The following ZNF831 variants were observed in gnomAD, a reference collection of about 807,000 sequenced individuals.
ZNF831 encodes chromosome 20 open reading frame 174.
Under a neutral mutation model 95.8 loss-of-function variants are expected in ZNF831, and 59 were observed. That is an observed-to-expected ratio of 0.62 (90% CI 0.50 to 0.77). ZNF831 has a LOEUF of 0.77. Among genes scored for constraint, ZNF831 ranks in the 30% least tolerant of loss-of-function variants. ZNF831 has a pLI of 0.00. For missense variants in ZNF831, 2,205 were observed against 2,164.0 expected (o/e 1.02, Z -0.38); for synonymous variants, 961 against 925.5 (o/e 1.04, Z -0.70).
intron 3 of ZNF831, among the ~76,000 whole-genome samples, chr20:59,202,165 G>A (rs908354104): frequency 1.3e-5 from 2 of 152,106 alleles, no homozygotes; most frequent in Non-Finnish European, 2.9e-5. Flanking sequence ...GCCTATTGCA[G>A]TGCCTCCTAG....
At chr20:59,151,092 C>A (rs931032407) in intron 2 of ZNF831, among the ~76,000 whole-genome samples, 3 of 152,154 alleles carry the variant, frequency 2.0e-5, no homozygotes, top group Non-Finnish European at 4.4e-5. Context: ...TCTGGAGAGG[C>A]CCATGTTCCC....
At position 59,257,854 on chromosome 20, in the gene ZNF831, A is replaced by C. The variant is rs901448147; in HGVS notation, c.*3111A>C. 7 of 152,148 alleles carry C rather than the reference A, an allele frequency of 4.6e-5. No individual in the cohort carries two copies. Among genetic ancestry groups the C allele is most frequent in the Non-Finnish European group, 5.9e-5 (4 of 68,024 alleles). The allele number at this position is 152,148 out of a possible 1,614,324, so 9.4% of individuals were successfully genotyped here. ...CTGAATTTTTTTTTGCCAATATCAAAAGTGACATTTCCCCATGATGTTCAA... is the reference window on the plus strand; with the variant it reads ...CTGAATTTTTTTTTGCCAATATCAACAGTGACATTTCCCCATGATGTTCAA... On this transcript the variant is annotated 3_prime_UTR_variant, in exon 6 of 6. Transcript: ENST00000371030.
In ZNF831 at chr20:59,194,054, G is replaced by C. The variant is rs748536362; in HGVS notation, c.3035G>C (p.Arg1012Thr). ...ATCCTGGAGGACCCCAGCTGTTCCA[G>C]GCCACAGGATGGGAGAAAAGGGGCA... Reference protein sequence around the residue: ...DSILEDPSCSRPQDGRKGAQL... With the variant: ...DSILEDPSCSTPQDGRKGAQL... Residue 1012 changes from arginine to threonine, a missense_variant, in exon 2 of 6, where the codon AGG (arginine) becomes ACG (threonine). By Grantham distance (71) the Arg-to-Thr change is moderately conservative (BLOSUM62 -1). Coordinates refer to ENST00000371030, the MANE Select transcript of ZNF831 (RefSeq NM_178457.3). The C allele has an allele frequency of 1.8e-5, 28 of 1,529,748 alleles. No homozygotes were observed. Among genetic ancestry groups the C allele is most frequent in the Non-Finnish European group, 2.2e-5 (25 of 1,140,434 alleles). 94.8% of individuals were successfully genotyped at this position (1,529,748 alleles called of 1,614,324 possible). A position where few individuals can be genotyped will look rare whatever the true frequency, so the allele number is the denominator to read the frequency against.
intron 1 of ZNF831, among the ~76,000 whole-genome samples, chr20:59,183,800 C>T (rs1334283679): frequency 6.6e-6 from 1 of 152,230 alleles, no homozygotes; most frequent in Non-Finnish European, 1.5e-5. Context: ...GACCTCCCAT[C>T]CACCTCTTTC....
At chr20:59,178,437 A>T (rs1338525092) in intron 1 of ZNF831, among the ~76,000 whole-genome samples, 2 of 152,212 alleles carry the variant, frequency 1.3e-5, no homozygotes, top group African/African-American at 4.8e-5. Flanking sequence ...AAGTCAGGCC[A>T]TTTCTTTATA....
Position 59,254,457 on chromosome 20 carries a change from A to G in ZNF831, c.4748A>G (p.Glu1583Gly). 6.2e-7 allele frequency: 1 copy of G among 1,614,172 alleles called. No homozygotes were observed. ...AGTTCAGCTAGTTCACACCACAAGG[A>G]AGGGAGACACAAGACGTTTTTTCCT... is the stretch of plus-strand genomic sequence containing the variant. ...GPSSASSHHKEGRHKTFFPSR... is the reference protein window; with the variant it reads ...GPSSASSHHKGGRHKTFFPSR... Residue 1583 changes from glutamate to glycine, a missense_variant, in exon 6 of 6, where the codon GAA (glutamate) becomes GGA (glycine). Physicochemically the swap from Glu to Gly is moderately conservative, Grantham distance 98. Transcript: ENST00000371030. This position sits in a 1 kb window ranked among gnomAD's most constrained non-coding sequence, Gnocchi z 4.5.
chr20:59,158,262 C>A (rs551387851), intron 2 of ZNF831, among the ~76,000 whole-genome samples: 1 of 152,214 alleles, frequency 6.6e-6, no homozygotes, highest in Non-Finnish European at 1.5e-5. Context: ...GTGCCTTTCC[C>A]CCAGGACCCA....
At chr20:59,222,606 T>C (rs1986159150) in intron 4 of ZNF831, among the ~76,000 whole-genome samples, 1 of 152,102 alleles carries the variant, frequency 6.6e-6, no homozygotes, top group African/African-American at 2.4e-5. Flanking sequence ...AAAACAAGCC[T>C]TGTGAATTTA....
At chr20:59,151,298 G>A (rs1020363314) in intron 2 of ZNF831, among the ~76,000 whole-genome samples, 6 of 152,172 alleles carry the variant, frequency 3.9e-5, no homozygotes, top group Admixed American at 6.5e-5. Context: ...TGAGGCTCCA[G>A]CACCCATCTC....
intron 1 of ZNF831, among the ~76,000 whole-genome samples, chr20:59,176,124 A>T (rs1172059131): frequency 6.6e-6 from 1 of 152,240 alleles, no homozygotes; most frequent in East Asian, 1.9e-4. Flanking sequence ...ACACCGTAAA[A>T]CAGGACTTGG....
chr20:59,243,615 C>G (rs1987448808), intron 4 of ZNF831, among the ~76,000 whole-genome samples: 1 of 152,164 alleles, frequency 6.6e-6, no homozygotes, highest in Non-Finnish European at 1.5e-5. Context: ...TCCACTCACT[C>G]CCTCCTTGTT....
intron 2 of ZNF831, among the ~76,000 whole-genome samples, chr20:59,154,280 A>G (rs1256227982): frequency 2.0e-5 from 3 of 152,166 alleles, no homozygotes; most frequent in Non-Finnish European, 4.4e-5. Context: ...TGCTTCTCCA[A>G]GAATGCACAC....
chr20:59,254,041 G>T lies in ZNF831; in HGVS notation c.4332G>T (p.Gly1444=), dbSNP rs1183705753. Residue 1444 remains glycine (G), a synonymous_variant, in exon 6 of 6, where the codon GGG becomes GGT. Coordinates refer to ENST00000371030, the MANE Select transcript of ZNF831 (RefSeq NM_178457.3). The surrounding 1 kb of genome is among the most constrained non-coding windows in gnomAD (Gnocchi z 4.5). ...PLPPGKGLDL[G]LLETQLLASQ... ...CCCCTGGCAAAGGTCTTGACCTTGGGTTGCTGGAGACTCAGCTGCTGGCCT... is the reference window on the plus strand; with the variant it reads ...CCCCTGGCAAAGGTCTTGACCTTGGTTTGCTGGAGACTCAGCTGCTGGCCT... 6.2e-7 allele frequency: 1 copy of T among 1,614,084 alleles called. No homozygotes were observed. The highest frequency in any genetic ancestry group is 8.5e-7 in the Non-Finnish European group (1 of 1,180,016).
At chr20:59,195,305 C>T (rs928335977) in intron 2 of ZNF831, among the ~76,000 whole-genome samples, 1 of 152,212 alleles carries the variant, frequency 6.6e-6, no homozygotes, top group African/African-American at 2.4e-5. Flanking sequence ...AGAGCTCCAC[C>T]TTGAGAGGGG....
intron 4 of ZNF831, among the ~76,000 whole-genome samples, chr20:59,215,937 G>A (rs201583017): frequency 0.066 from 10,033 of 152,142 alleles, 567 homozygotes; most frequent in East Asian, 0.28. Flanking sequence ...ATGAGCCCTA[G>A]GAATACCCCT....
At chr20:59,233,043 C>CACACAT (rs1308472101) in intron 4 of ZNF831, among the ~76,000 whole-genome samples, 1 of 134,374 alleles carries the variant, frequency 7.4e-6, no homozygotes, top group African/African-American at 2.9e-5. Flanking sequence ...CACACACACA[C>CACACAT]ATAGAGAGAG....
intron 4 of ZNF831, among the ~76,000 whole-genome samples, chr20:59,212,535 A>G (rs1438967762): frequency 9.2e-5 from 14 of 152,206 alleles, no homozygotes; most frequent in Non-Finnish European, 1.3e-4. Flanking sequence ...CTAAGAATGG[A>G]CAGAAGTTTT....
At chr20:59,130,569 G>A (rs114516071) in intron 1 of ZNF831, among the ~76,000 whole-genome samples, 1,616 of 152,298 alleles carry the variant, frequency 0.011, 26 homozygotes, top group African/African-American at 0.037. Context: ...TCCTGTGGAT[G>A]TGGGTGCACC....
intron 3 of ZNF831, among the ~76,000 whole-genome samples, chr20:59,201,904 A>G (rs1311833526): frequency 6.6e-6 from 1 of 152,256 alleles, no homozygotes; most frequent in Non-Finnish European, 1.5e-5. Flanking sequence ...GATTTTTCAT[A>G]CAGGCTCAAA....
Sources: gnomAD v4.1 joint callset for allele counts (sites outside exome capture counted in the v4.1 genomes callset) on GRCh38, gnomAD v4.1.1 for gene constraint, Gnocchi (gnomAD v3.1) non-coding constraint, MANE v1.5 for transcripts, NCBI Gene and HGNC (gene_info 2026-07-23, HGNC 2026-07-21) for gene names.